EIF2B1: variants seen among roughly 807,000 people sequenced by gnomAD.
EIF2B1 encodes translation initiation factor eIF2B subunit alpha.
In EIF2B1, 30 loss-of-function variants were observed where a neutral mutation model predicts 36.8. The ratio of observed to expected loss-of-function variants is 0.81; its 90% CI spans 0.61 to 1.10. The LOEUF is 1.10. Ranked by LOEUF, EIF2B1 falls within the 50% of genes least tolerant of loss-of-function variation. The pLI is 0.00. For synonymous variants in EIF2B1, 139 were observed against 142.2 expected (o/e 0.98, Z 0.16); for missense variants, 271 against 374.8 (o/e 0.72, Z 2.29).
chr12:123,622,607 G>A (rs1407808281), intron 8 of EIF2B1, 29 bp downstream of exon 8: 4 of 1,613,480 alleles, frequency 2.5e-6, no homozygotes, highest in Non-Finnish European at 2.5e-6. Context: ...TTAGACTTTA[G>A]TACCCCTTCA....
Position 123,621,414 on chromosome 12 carries a change from C to T in EIF2B1, c.*342G>A. On this transcript the variant is annotated 3_prime_UTR_variant, in exon 9 of 9. Transcript: ENST00000424014. ...TCGCCTGCATCTCGCGTGCTTTAGG[C>T]AGATCAGTCTGGAGTGCAGGGGAGG... The T allele has an allele frequency of 2.7e-6, 1 of 368,096 alleles. No homozygotes were observed. The allele number at this position is 368,096 out of a possible 1,614,324, so 22.8% of individuals were successfully genotyped here.
At chr12:123,625,779 A>T (rs951798142) in intron 6 of EIF2B1, among the ~76,000 whole-genome samples, 1 of 152,188 alleles carries the variant, frequency 6.6e-6, no homozygotes, top group Non-Finnish European at 1.5e-5. Flanking sequence ...TCACAGAAAT[A>T]CAGAGCCCTG....
chr12:123,631,069 A>G (rs1955183300), intron 2 of EIF2B1, among the ~76,000 whole-genome samples: 1 of 152,204 alleles, frequency 6.6e-6, no homozygotes. Flanking sequence ...AATAATACTA[A>G]TACCAGAATT....
At chr12:123,626,296 A>G (rs1955147814) in intron 6 of EIF2B1, 129 bp downstream of exon 6, 4 of 1,019,936 alleles carry the variant, frequency 3.9e-6, no homozygotes, top group South Asian at 1.4e-5. Context: ...TAGGGCAGCT[A>G]TTAATTAAGA....
chr12:123,622,127 C>T (rs564117742), intron 8 of EIF2B1, among the ~76,000 whole-genome samples: 1 of 152,164 alleles, frequency 6.6e-6, no homozygotes, highest in South Asian at 2.1e-4. Context: ...TGTAGTGTAA[C>T]AAACTTAAAT....
Position 123,622,774 on chromosome 12 carries a change from A to G in EIF2B1, c.628-13T>C. On this transcript the variant is annotated splice_polypyrimidine_tract_variant and intron_variant, in intron 7 of 8. Transcript: ENST00000424014. Reference sequence around the variant, plus strand: ...GGTTGGTTCCAATCTGGGAAGGCAGAAAATGGAATGGATGAGCTCTAGAGT... The same window carrying G: ...GGTTGGTTCCAATCTGGGAAGGCAGGAAATGGAATGGATGAGCTCTAGAGT... 1 of 1,613,496 alleles carries G rather than the reference A, an allele frequency of 6.2e-7. No individual in the cohort carries two copies. Among genetic ancestry groups the G allele is most frequent in the South Asian group, 1.1e-5 (1 of 91,074 alleles).
At chr12:123,631,835 G>A (rs534285515) in intron 2 of EIF2B1, among the ~76,000 whole-genome samples, 61 of 151,398 alleles carry the variant, frequency 4.0e-4, no homozygotes, top group African/African-American at 1.4e-3. Context: ...TTTGCCAGGC[G>A]TGGTGGTGCA....
At position 123,627,154 on chromosome 12, in the gene EIF2B1, T is replaced by C. The variant is rs574891460; in HGVS notation, c.372A>G (p.Thr124=). 2 of 1,613,740 alleles carry C rather than the reference T, an allele frequency of 1.2e-6. No individual in the cohort carries two copies. The highest frequency in any genetic ancestry group is 2.2e-5 in the South Asian group (2 of 91,054). The change falls in exon 5 of 9, where the codon ACA becomes ACG. Residue 124 remains threonine, a splice_region_variant and synonymous_variant. Transcript: ENST00000424014. ...LCHTFIKDGA[T]ILTHAYSRVV... ...CTCTGGAGTAGGCGTGAGTCAATAT[T>C]GTCTGTGGACCGAGAAAGCTTTGTC...
rs3748270 is a variant in EIF2B1 at position 123,630,653 on chromosome 12, A to G, written c.116-120T>C. The G allele has an allele frequency of 0.094, 127,822 of 1,360,068 alleles. 12,373 individuals are homozygous for G. Among genetic ancestry groups the G allele is most frequent in the African/African-American group, 0.48 (33,611 of 70,384 alleles). 84.3% of individuals were successfully genotyped at this position (1,360,068 alleles called of 1,614,324 possible). On this transcript the variant is annotated intron_variant, in intron 2 of 8. Coordinates refer to ENST00000424014, the MANE Select transcript of EIF2B1 (RefSeq NM_001414.4). The surrounding 1 kb of genome is among the most constrained non-coding windows in gnomAD (Gnocchi z 4.6). ...AGGTACATACTATATACCAGGCACT[A>G]TTCTAGATGCTAGGGATACATCAGT...
intron 7 of EIF2B1, 48 bp downstream of exon 7, chr12:123,624,739 A>G (rs374494176): frequency 6.9e-5 from 106 of 1,536,900 alleles, no homozygotes; most frequent in Non-Finnish European, 4.5e-5. Flanking sequence ...GGTCAGCAAG[A>G]CACCTCCAAG....
intron 6 of EIF2B1, chr12:123,625,942 C>T: frequency 1.1e-5 from 2 of 181,362 alleles, no homozygotes; most frequent in Non-Finnish European, 2.4e-5. Flanking sequence ...ACCAGCCTGG[C>T]CAACATGGTG....
Position 123,630,589 on chromosome 12 carries a change from G to A in EIF2B1, c.116-56C>T. 6.2e-7 allele frequency: 1 copy of A among 1,602,592 alleles called. No homozygotes were observed. The highest frequency in any genetic ancestry group is 1.1e-5 in the South Asian group (1 of 90,962). ...CACATTAGGGCCACAGCCCCGACCTGTATCTTCAATTCATTCATTCATTCA... is the reference window on the plus strand; with the variant it reads ...CACATTAGGGCCACAGCCCCGACCTATATCTTCAATTCATTCATTCATTCA... On this transcript the variant is annotated intron_variant, in intron 2 of 8. Transcript: ENST00000424014. The surrounding 1 kb of genome is among the most constrained non-coding windows in gnomAD (Gnocchi z 4.6).
In EIF2B1 at chr12:123,621,560, T is replaced by A. The variant is rs11057309; in HGVS notation, c.*196A>T. Reference sequence around the variant, plus strand: ...CCGTAAGAACAATTTAAGTTGGGATTTAGAATAGCTGACACATTTTTAGAT... The same window carrying A: ...CCGTAAGAACAATTTAAGTTGGGATATAGAATAGCTGACACATTTTTAGAT... On this transcript the variant is annotated 3_prime_UTR_variant, in exon 9 of 9. Coordinates refer to ENST00000424014, the MANE Select transcript of EIF2B1 (RefSeq NM_001414.4). The A allele has an allele frequency of 1.8e-3, 1,215 of 660,474 alleles. 24 individuals are homozygous for A. In the East Asian group the frequency reaches 0.03, roughly 16 times the overall value. 40.9% of individuals were successfully genotyped at this position (660,474 alleles called of 1,614,324 possible).
In EIF2B1 at chr12:123,630,005, G is replaced by A. The variant is rs36018806; in HGVS notation, c.369+164C>T. 0.32 allele frequency: 226,672 copies of A among 710,304 alleles called. 39,585 individuals carry two copies. Among genetic ancestry groups the A allele is most frequent in the Non-Finnish European group, 0.38 (151,445 of 397,128 alleles). 44.0% of individuals were successfully genotyped at this position (710,304 alleles called of 1,614,324 possible). On this transcript the variant is annotated intron_variant, in intron 4 of 8. Coordinates refer to ENST00000424014, the MANE Select transcript of EIF2B1 (RefSeq NM_001414.4). The surrounding 1 kb of genome is among the most constrained non-coding windows in gnomAD (Gnocchi z 4.6). ...TCCTCACAACAACCCAAGGAGGTAGGTACTATTGTCATCCTTATTTAACAG... is the reference window on the plus strand; with the variant it reads ...TCCTCACAACAACCCAAGGAGGTAGATACTATTGTCATCCTTATTTAACAG...
Position 123,621,401 on chromosome 12 carries a change from C to A in EIF2B1, c.*355G>T. 3 of 350,096 alleles carry A rather than the reference C, an allele frequency of 8.6e-6. No individual in the cohort carries two copies. Among genetic ancestry groups the A allele is most frequent in the South Asian group, 6.9e-5 (3 of 43,716 alleles). 21.7% of individuals were successfully genotyped at this position (350,096 alleles called of 1,614,324 possible). On this transcript the variant is annotated 3_prime_UTR_variant, in exon 9 of 9. Coordinates refer to ENST00000424014, the MANE Select transcript of EIF2B1 (RefSeq NM_001414.4). ...GTGTGGCTGCTTTTCGCCTGCATCTCGCGTGCTTTAGGCAGATCAGTCTGG... is the reference window on the plus strand; with the variant it reads ...GTGTGGCTGCTTTTCGCCTGCATCTAGCGTGCTTTAGGCAGATCAGTCTGG...
At chr12:123,628,253 C>T (rs1955162627) in intron 4 of EIF2B1, among the ~76,000 whole-genome samples, 3 of 151,344 alleles carry the variant, frequency 2.0e-5, no homozygotes, top group Non-Finnish European at 4.4e-5. Flanking sequence ...GACAGGGCCT[C>T]TCTCCCTATG....
At chr12:123,624,716 C>T (rs138432949) in intron 7 of EIF2B1, 71 bp downstream of exon 7, 28,297 of 1,257,696 alleles carry the variant, frequency 0.022, 369 homozygotes, top group Middle Eastern at 0.028. Flanking sequence ...ATCAACACTG[C>T]TGTGGTGTCC....
At position 123,625,569 on chromosome 12, in the gene EIF2B1, C is replaced by T. The variant is rs188979614; in HGVS notation, c.552-707G>A. ...TTTAAAATGAGCAATTAGTAGAATT[C>T]CTCAAAATCCTTACTTTTGAACACA... On this transcript the variant is annotated intron_variant, in intron 6 of 8. Transcript: ENST00000424014. Among the ~76,000 whole-genome samples the T allele has an allele frequency of 3.6e-3, 541 of 152,330 alleles. 1 individual carries two copies. The highest frequency in any genetic ancestry group is 0.02 in the Middle Eastern group (6 of 294).
chr12:123,627,266 C>T (rs1228309595), intron 4 of EIF2B1, 110 bp from the exon 5 acceptor site: 2 of 857,276 alleles, frequency 2.3e-6, no homozygotes, highest in African/African-American at 3.3e-5. Context: ...TACACTTTCT[C>T]ACAAATCAAC....
Sources: allele counts gnomAD v4.1 joint callset (sites outside exome capture counted in the v4.1 genomes callset), GRCh38; gene constraint gnomAD v4.1.1; non-coding constraint Gnocchi (gnomAD v3.1); transcripts MANE v1.5; gene names NCBI Gene and HGNC (gene_info 2026-07-23, HGNC 2026-07-21).